Variants in BACE1 observed in about 807,000 individuals in gnomAD.
BACE1 encodes the protein APP beta-secretase.
A neutral mutation model predicts 54.0 loss-of-function variants in BACE1; 21 were observed. That is an observed-to-expected ratio of 0.39 (90% CI 0.28 to 0.56). BACE1 has a LOEUF of 0.56. Among genes scored for constraint, BACE1 ranks in the 20% least tolerant of loss-of-function variants. The pLI, the probability that BACE1 is intolerant of heterozygous loss-of-function variation, is 0.63. For synonymous variants in BACE1, 232 were observed against 260.9 expected (o/e 0.89, Z 1.07); for missense variants, 511 against 661.2 (o/e 0.77, Z 2.49).
intron 1 of BACE1, among the ~76,000 whole-genome samples, chr11:117,303,290 G>A (rs1315688829): frequency 6.6e-6 from 1 of 152,178 alleles, no homozygotes; most frequent in Non-Finnish European, 1.5e-5. Flanking sequence ...CCAGGGAGCT[G>A]CAGCCTGGGG....
In BACE1 at chr11:117,305,233, T is replaced by A. The variant is rs75017009; in HGVS notation, c.262-8272A>T. The stretch of plus-strand genomic sequence containing the variant: ...GTGAGTCAGCTTCATCTGCTTTTCC[T>A]AAGTGATTTCCAGACCTGAGCTTAC... On this transcript the variant is annotated intron_variant, in intron 1 of 8. Transcript: ENST00000313005. Among the ~76,000 whole-genome samples the A allele has an allele frequency of 4.9e-3, 741 of 152,244 alleles. 1 individual carries two copies. Among genetic ancestry groups the A allele is most frequent in the Non-Finnish European group, 7.7e-3 (521 of 68,028 alleles).
At chr11:117,295,929 C>G (rs959540355) in intron 2 of BACE1, among the ~76,000 whole-genome samples, 14 of 152,186 alleles carry the variant, frequency 9.2e-5, no homozygotes, top group African/African-American at 3.4e-4. Flanking sequence ...CACCACTAAC[C>G]AGGGCTTCTG....
chr11:117,314,932 C>T (rs371464623), intron 1 of BACE1, among the ~76,000 whole-genome samples: 3 of 151,504 alleles, frequency 2.0e-5, no homozygotes, highest in African/African-American at 7.3e-5. Context: ...GTGTAGACCG[C>T]GAGAGGGAGA....
At chr11:117,314,102 C>T (rs1032995578) in intron 1 of BACE1, among the ~76,000 whole-genome samples, 19 of 152,186 alleles carry the variant, frequency 1.2e-4, no homozygotes, top group Non-Finnish European at 2.6e-4. Context: ...CGTCCTGCAT[C>T]GTGCCATGGG....
intron 1 of BACE1, among the ~76,000 whole-genome samples, chr11:117,299,118 G>A (rs2034665582): frequency 6.6e-6 from 1 of 152,006 alleles, no homozygotes; most frequent in Non-Finnish European, 1.5e-5. Flanking sequence ...ACTTCTCCTT[G>A]GCCCTTTCTT....
Position 117,289,203 on chromosome 11 carries a change from T to C in BACE1, c.*363A>G, listed in dbSNP as rs2034344053. ...ACACGCCAAGGTAACCTGCGTGTGATGCCAGTACTTCTGAAACTAAGAAAA... is the reference window on the plus strand; with the variant it reads ...ACACGCCAAGGTAACCTGCGTGTGACGCCAGTACTTCTGAAACTAAGAAAA... On this transcript the variant is annotated 3_prime_UTR_variant, in exon 9 of 9. Coordinates refer to ENST00000313005, the MANE Select transcript of BACE1 (RefSeq NM_012104.6). The C allele has an allele frequency of 4.0e-6, 1 of 248,646 alleles. No individual in the cohort carries two copies. Among genetic ancestry groups the C allele is most frequent in the Non-Finnish European group, 8.0e-6 (1 of 125,136 alleles). 15.4% of individuals were successfully genotyped at this position (248,646 alleles called of 1,614,324 possible).
At position 117,296,953 on chromosome 11, in the gene BACE1, G is replaced by T. The variant is rs1210053530; in HGVS notation, c.270C>A (p.Ile90=). The change falls in exon 2 of 9, where the codon ATC becomes ATA. Residue 90 remains isoleucine (I), a synonymous_variant. Coordinates refer to ENST00000313005, the MANE Select transcript of BACE1 (RefSeq NM_012104.6). ...TVGSPPQTLN[I]LVDTGSSNFA... ...AGTTACTGCTGCCTGTATCCACCAG[G>T]ATGTTGAGCTGTCAGAGAAAGGGGA... is the stretch of plus-strand genomic sequence containing the variant. 6.2e-7 allele frequency: 1 copy of T among 1,613,618 alleles called. No homozygotes were observed. Among genetic ancestry groups the T allele is most frequent in the South Asian group, 1.1e-5 (1 of 91,036 alleles).
At position 117,289,810 on chromosome 11, in the gene BACE1, G is replaced by A. The variant is rs1221389419; in HGVS notation, c.1265-3C>T. On this transcript the variant is annotated splice_region_variant and splice_polypyrimidine_tract_variant and intron_variant, in intron 8 of 8. Coordinates refer to ENST00000313005, the MANE Select transcript of BACE1 (RefSeq NM_012104.6). ...TGCCGTCCTGAACTCATCGTGCACT[G>A]GGGAGAGGGCAAATGTGAATGGACA... 2 of 1,611,710 alleles carry A rather than the reference G, an allele frequency of 1.2e-6. No individual in the cohort carries two copies. The highest frequency in any genetic ancestry group is 1.7e-6 in the Non-Finnish European group (2 of 1,178,024).
In BACE1 at chr11:117,289,287, G is replaced by A. The variant is rs1250647961; in HGVS notation, c.*279C>T. On this transcript the variant is annotated 3_prime_UTR_variant, in exon 9 of 9. Coordinates refer to ENST00000313005, the MANE Select transcript of BACE1 (RefSeq NM_012104.6). Reference sequence around the variant, plus strand: ...TGGTGGACAAAGGTTCAGGGCTGAAGTTTCAAGCAGCAGAATTTCCCGACT... The same window carrying A: ...TGGTGGACAAAGGTTCAGGGCTGAAATTTCAAGCAGCAGAATTTCCCGACT... The A allele has an allele frequency of 2.4e-6, 1 of 416,540 alleles. No homozygotes were observed. The highest frequency in any genetic ancestry group is 2.0e-5 in the African/African-American group (1 of 50,806). 25.8% of individuals were successfully genotyped at this position (416,540 alleles called of 1,614,324 possible).
chr11:117,295,464 T>G, intron 2 of BACE1, 117 bp from the exon 3 acceptor site: 1 of 1,538,660 alleles, frequency 6.5e-7, no homozygotes, highest in Non-Finnish European at 8.7e-7. Context: ...AGAGTCTGCT[T>G]TCAGGCTGCT....
intron 1 of BACE1, among the ~76,000 whole-genome samples, chr11:117,306,031 G>A (rs898616671): frequency 5.9e-5 from 9 of 151,990 alleles, no homozygotes; most frequent in Non-Finnish European, 1.0e-4. Flanking sequence ...GTGAGACTCC[G>A]TCTCAAAAAT....
chr11:117,290,402 T>C, intron 8 of BACE1, 86 bp downstream of exon 8: 1 of 1,511,278 alleles, frequency 6.6e-7, no homozygotes, highest in East Asian at 2.3e-5. Context: ...TCCCCTAAAC[T>C]GACAGGGACC....
At chr11:117,304,139 A>G (rs991147442) in intron 1 of BACE1, among the ~76,000 whole-genome samples, 2 of 152,224 alleles carry the variant, frequency 1.3e-5, no homozygotes, top group African/African-American at 4.8e-5. Context: ...GGGCAACAGG[A>G]TATCAGCAAA....
chr11:117,315,780 G>A lies in BACE1; in HGVS notation c.16C>T (p.Pro6Ser). 1 of 1,443,736 alleles carries A rather than the reference G, an allele frequency of 6.9e-7. No individual in the cohort carries two copies. The highest frequency in any genetic ancestry group is 9.0e-7 in the Non-Finnish European group (1 of 1,106,088). The allele number at this position is 1,443,736 out of a possible 1,614,324, so 89.4% of individuals were successfully genotyped here. A position where few individuals can be genotyped will look rare whatever the true frequency, so the allele number is the denominator to read the frequency against. ...GCGCCCATCCACAGCAGGAGCCAGG[G>A]CAGGGCTTGGGCCATGGTGGGCCCC... MAQAL[P>S]WLLLWMGAGV... The change falls in exon 1 of 9, where the codon CCC becomes TCC. Residue 6 changes from proline to serine, a missense_variant. Physicochemically the swap from Pro to Ser is moderately conservative, Grantham distance 74. Around this residue, in one of 2 missense-constraint regions of BACE1, gnomAD observed 104 missense variants for 95.5 expected, o/e 1.09. Coordinates refer to ENST00000313005, the MANE Select transcript of BACE1 (RefSeq NM_012104.6). The surrounding 1 kb of genome is among the most constrained non-coding windows in gnomAD (Gnocchi z 5.5).
At position 117,287,573 on chromosome 11, in the gene BACE1, T is replaced by C. The variant is rs2034297068; in HGVS notation, c.*1993A>G. ...TTGCTATCGAAGGGGTTGAGTTTTA[T>C]GCCCTGGAAAGGGCTGGGAAAAAGC... is the stretch of plus-strand genomic sequence containing the variant. On this transcript the variant is annotated 3_prime_UTR_variant, in exon 9 of 9. Coordinates refer to ENST00000313005, the MANE Select transcript of BACE1 (RefSeq NM_012104.6). 1 of 152,502 alleles carries C rather than the reference T, an allele frequency of 6.6e-6. No individual in the cohort carries two copies. Among genetic ancestry groups the C allele is most frequent in the Admixed American group, 6.5e-5 (1 of 15,284 alleles). The allele number at this position is 152,502 out of a possible 1,614,324, so 9.4% of individuals were successfully genotyped here.
At chr11:117,313,379 T>C (rs774381067) in intron 1 of BACE1, among the ~76,000 whole-genome samples, 1 of 152,192 alleles carries the variant, frequency 6.6e-6, no homozygotes, top group Admixed American at 6.6e-5. Flanking sequence ...CTGCAGGATG[T>C]ATGCATTATT....
At position 117,315,630 on chromosome 11, in the gene BACE1, G is replaced by A; in HGVS notation, c.166C>T (p.Arg56Trp). 2 of 1,584,288 alleles carry A rather than the reference G, an allele frequency of 1.3e-6. No homozygotes were observed. The highest frequency in any genetic ancestry group is 8.6e-7 in the Non-Finnish European group (1 of 1,167,514). ...ACCATCTCCACAAAGCTGCCCCTCCGGCCGGGCTCCTCGGGCTCTTCGTCG... is the reference window on the plus strand; with the variant it reads ...ACCATCTCCACAAAGCTGCCCCTCCAGCCGGGCTCCTCGGGCTCTTCGTCG... ...ETDEEPEEPG[R>W]RGSFVEMVDN... Residue 56 changes from arginine (R) to tryptophan (W), a missense_variant, in exon 1 of 9, where the codon CGG becomes TGG. Coordinates refer to ENST00000313005, the MANE Select transcript of BACE1 (RefSeq NM_012104.6). The surrounding 1 kb of genome is among the most constrained non-coding windows in gnomAD (Gnocchi z 5.5).
chr11:117,294,972 A>G (rs191128105), intron 3 of BACE1, among the ~76,000 whole-genome samples, 159 bp downstream of exon 3: 1 of 152,222 alleles, frequency 6.6e-6, no homozygotes, highest in East Asian at 1.9e-4. Flanking sequence ...TCTGCCCTCT[A>G]TAGGGCTAAA....
intron 7 of BACE1, 106 bp from the exon 8 acceptor site, chr11:117,290,765 G>T: frequency 1.3e-6 from 2 of 1,553,620 alleles, no homozygotes; most frequent in Non-Finnish European, 8.7e-7. Flanking sequence ...GAGCTCTAAC[G>T]GGTTTTCTGA....
Sources: allele counts gnomAD v4.1 joint callset (sites outside exome capture counted in the v4.1 genomes callset), GRCh38; gene constraint gnomAD v4.1.1; regional missense constraint gnomAD v4.1.1; non-coding constraint Gnocchi (gnomAD v3.1); transcripts MANE v1.5; gene names NCBI Gene and HGNC (gene_info 2026-07-23, HGNC 2026-07-21).